The following ZNF600 variants were observed in gnomAD, a reference collection of about 807,000 sequenced individuals.
ZNF600 encodes zinc finger protein KR-ZNF1.
Under a neutral mutation model 7.3 loss-of-function variants are expected in ZNF600, and 4 were observed. The ratio of observed to expected loss-of-function variants is 0.55; its 90% CI spans 0.27 to 1.25. ZNF600 has a LOEUF of 1.25. Ranked by LOEUF, ZNF600 falls within the 50% of genes most tolerant of loss-of-function variation. ZNF600 has a pLI of 0.12. For missense variants in ZNF600, 911 were observed against 922.1 expected (o/e 0.99, Z 0.16); for synonymous variants, 290 against 308.9 (o/e 0.94, Z 0.64).
chr19:52,766,318 C>T, exon 4 of ZNF600: 1 of 1,614,170 alleles, frequency 6.2e-7, no homozygotes, highest in Non-Finnish European at 8.5e-7. Flanking sequence ...GAATGACACG[C>T]AAAAGCCTTG....
the ZNF600 span, chr19:52,810,724 GGA>G: frequency 4.2e-6 from 3 of 713,294 alleles, no homozygotes; most frequent in Non-Finnish European, 7.5e-6. Flanking sequence ...ATGTGTATTA[GGA>G]GAGAGAGGAA....
chr19:52,786,774 TTG>T, exon 1 of ZNF600: 3 of 291,614 alleles, frequency 1.0e-5, no homozygotes, highest in South Asian at 5.7e-5. Context: ...GCTTCCGGGT[TTG>T]TGCGCGCCCA....
chr19:52,776,202 T>TA (rs1407100515), intron 2 of ZNF600, among the ~76,000 whole-genome samples: 1 of 151,310 alleles, frequency 6.6e-6, no homozygotes, highest in Non-Finnish European at 1.5e-5. Flanking sequence ...ATCAAATAGC[T>TA]AAAAATGTCA....
chr19:52,818,015 T>G, the ZNF600 span: 9 of 1,608,022 alleles, frequency 5.6e-6, no homozygotes, highest in South Asian at 3.3e-5. Flanking sequence ...CGTACCAAGA[T>G]TCTTTAGAAG....
chr19:52,826,039 C>A, the ZNF600 span, among the ~76,000 whole-genome samples: 9 of 152,136 alleles, frequency 5.9e-5, no homozygotes, highest in Admixed American at 4.6e-4. Flanking sequence ...GTAGGACTTA[C>A]GCTGACTTGC....
the ZNF600 span, among the ~76,000 whole-genome samples, chr19:52,833,364 A>C: frequency 6.6e-6 from 1 of 152,110 alleles, no homozygotes; most frequent in Non-Finnish European, 1.5e-5. Context: ...TCTCAAGTTC[A>C]TGTCACTGGG....
At chr19:52,800,007 C>T in the ZNF600 span, 4 of 1,614,024 alleles carry the variant, frequency 2.5e-6, no homozygotes, top group East Asian at 8.9e-5. Flanking sequence ...GAAGGTCTTG[C>T]CACACTCATT....
At chr19:52,816,787 T>C in the ZNF600 span, among the ~76,000 whole-genome samples, 1 of 151,574 alleles carries the variant, frequency 6.6e-6, no homozygotes, top group Non-Finnish European at 1.5e-5. Flanking sequence ...GCTGAGATCA[T>C]GCCACTGCAC....
At chr19:52,769,585 G>C (rs1290319322) in intron 3 of ZNF600, among the ~76,000 whole-genome samples, 2 of 152,086 alleles carry the variant, frequency 1.3e-5, no homozygotes, top group African/African-American at 4.8e-5. Flanking sequence ...CTGGCATTCA[G>C]GGCCACTACC....
At chr19:52,773,561 G>C (rs1243542684) in intron 3 of ZNF600, among the ~76,000 whole-genome samples, 1 of 152,110 alleles carries the variant, frequency 6.6e-6, no homozygotes. Context: ...GGCTGAGTAG[G>C]TAGAGATGTG....
At chr19:52,766,045 G>A (rs757418790) in exon 4 of ZNF600, 2 of 1,613,300 alleles carry the variant, frequency 1.2e-6, no homozygotes, top group Admixed American at 1.7e-5. Context: ...CTACGATGGT[G>A]AACAAGGGAT....
At chr19:52,789,731 A>G (rs553350259), upstream of ZNF600, among the ~76,000 whole-genome samples, 25 of 152,294 alleles carry the variant, frequency 1.6e-4, no homozygotes, top group African/African-American at 6.0e-4. Flanking sequence ...CAGCCTGGAC[A>G]ACAAAATTAA....
intron 3 of ZNF600, among the ~76,000 whole-genome samples, chr19:52,769,611 C>T (rs2062616625): frequency 6.6e-6 from 1 of 152,142 alleles, no homozygotes; most frequent in East Asian, 1.9e-4. Flanking sequence ...CTGCATCTTG[C>T]TGGCAGTGGT....
At chr19:52,775,869 G>A (rs1016320813) in intron 2 of ZNF600, among the ~76,000 whole-genome samples, 1 of 152,026 alleles carries the variant, frequency 6.6e-6, no homozygotes, top group Non-Finnish European at 1.5e-5. Flanking sequence ...AGCTGGGAGT[G>A]ATGGTGGGTG....
the ZNF600 span, among the ~76,000 whole-genome samples, chr19:52,825,707 C>T: frequency 6.6e-5 from 10 of 151,220 alleles, no homozygotes; most frequent in African/African-American, 2.4e-4. Flanking sequence ...ATCATTTGGC[C>T]GGGCACAGTG....
the ZNF600 span, chr19:52,810,141 C>T: frequency 5.6e-6 from 5 of 897,684 alleles, no homozygotes; most frequent in Non-Finnish European, 9.4e-6. Flanking sequence ...CGAGGGTGAC[C>T]CGGGGCTGGA....
At chr19:52,827,452 G>A in the ZNF600 span, among the ~76,000 whole-genome samples, 1 of 152,032 alleles carries the variant, frequency 6.6e-6, no homozygotes, top group Admixed American at 6.6e-5. Context: ...AATCCCAGCT[G>A]CCCCGCAGCA....
the ZNF600 span, among the ~76,000 whole-genome samples, chr19:52,811,328 G>A: frequency 6.7e-6 from 1 of 149,686 alleles, no homozygotes; most frequent in African/African-American, 2.5e-5. Context: ...TCTGGGAAGT[G>A]AGGAGCGACT....
upstream of ZNF600, chr19:52,786,824 G>T (rs577865920): frequency 1.1e-4 from 34 of 320,360 alleles, no homozygotes; most frequent in South Asian, 7.7e-4. Flanking sequence ...GCTGGACCTG[G>T]GCGGGGTAGA....
Sources: gnomAD v4.1 joint callset for allele counts (sites outside exome capture counted in the v4.1 genomes callset) on GRCh38, gnomAD v4.1.1 for gene constraint, MANE v1.5 for transcripts, NCBI Gene and HGNC (gene_info 2026-07-23, HGNC 2026-07-21) for gene names.